The following ABCA4 variants were observed in gnomAD, a reference collection of about 807,000 sequenced individuals.
ABCA4 encodes ATP binding cassette subfamily A member 4.
ABCA4 carries 196 observed loss-of-function variants against 263.7 expected under a neutral mutation model. The ratio of observed to expected loss-of-function variants is 0.74; its 90% CI spans 0.66 to 0.84. ABCA4 has a LOEUF of 0.84. Among genes scored for constraint, ABCA4 ranks in the 40% least tolerant of loss-of-function variants. The pLI is 0.00. For missense variants in ABCA4, 2,792 were observed against 2,855.1 expected (o/e 0.98, Z 0.50); for synonymous variants, 1,133 against 1,094.2 (o/e 1.04, Z -0.70).
rs12087003 is a variant in ABCA4, at chr1:94,037,627, A to G, written c.3608-277T>C. 0.059 allele frequency among the ~76,000 whole-genome samples: 8,978 copies of G among 152,114 alleles called. 943 individuals carry two copies. The highest frequency in any genetic ancestry group is 0.21 in the African/African-American group (8,587 of 41,448). On this transcript the variant is annotated intron_variant, in intron 24 of 49. Transcript: ENST00000370225. ...GCGGAGGTTGGTGGGGGGGTCATGCAACTTTCCTGTGCCAGTTCCTCCTCT... is the reference window on the plus strand; with the variant it reads ...GCGGAGGTTGGTGGGGGGGTCATGCGACTTTCCTGTGCCAGTTCCTCCTCT...
chr1:94,021,518 C>T, intron 34 of ABCA4, 109 bp from the exon 35 acceptor site: 7 of 1,529,008 alleles, frequency 4.6e-6, no homozygotes, highest in Non-Finnish European at 5.4e-6. Context: ...AGCTGGAAGA[C>T]ATTCCTTGCT....
At chr1:94,056,297 C>G (rs1242291605) in intron 15 of ABCA4, among the ~76,000 whole-genome samples, 1 of 152,196 alleles carries the variant, frequency 6.6e-6, no homozygotes, top group African/African-American at 2.4e-5. Context: ...GAAAGGAAAA[C>G]TAGTGAAATG....
chr1:94,016,812 A>T (rs1557766601), intron 36 of ABCA4, among the ~76,000 whole-genome samples: 1 of 152,182 alleles, frequency 6.6e-6, no homozygotes, highest in African/African-American at 2.4e-5. Flanking sequence ...AGAGGCAATG[A>T]ACATATCTAG....
At chr1:94,023,623 C>T (rs887848392) in intron 31 of ABCA4, among the ~76,000 whole-genome samples, 1 of 152,216 alleles carries the variant, frequency 6.6e-6, no homozygotes, top group Non-Finnish European at 1.5e-5. Context: ...TGATTTCCCC[C>T]ACTGGCTCTC....
chr1:94,097,870 C>T (rs1662169330), intron 6 of ABCA4, among the ~76,000 whole-genome samples: 1 of 152,252 alleles, frequency 6.6e-6, no homozygotes, highest in South Asian at 2.1e-4. Flanking sequence ...CGGCCTCAGC[C>T]TCCTCAGTAG....
intron 45 of ABCA4, 90 bp downstream of exon 45, chr1:94,001,768 T>A: frequency 6.3e-7 from 1 of 1,595,892 alleles, no homozygotes; most frequent in Non-Finnish European, 8.6e-7. Flanking sequence ...TGCTGCAGTT[T>A]CTAAATCTGC....
chr1:94,028,158 G>A (rs1359568942), intron 30 of ABCA4, among the ~76,000 whole-genome samples: 2 of 152,140 alleles, frequency 1.3e-5, no homozygotes, highest in African/African-American at 2.4e-5. Flanking sequence ...TCCACCTGGG[G>A]CTCTCCGTGT....
At chr1:94,109,936 G>A (rs1278601228) in intron 3 of ABCA4, among the ~76,000 whole-genome samples, 1 of 152,142 alleles carries the variant, frequency 6.6e-6, no homozygotes, top group East Asian at 1.9e-4. Flanking sequence ...GCTAGAGTCT[G>A]GAGCCCCCTT....
intron 38 of ABCA4, among the ~76,000 whole-genome samples, chr1:94,012,404 G>T (rs1659571706): frequency 1.3e-5 from 2 of 152,160 alleles, no homozygotes; most frequent in African/African-American, 4.8e-5. Flanking sequence ...AGCCTTCCAA[G>T]ATTCCCATGA....
rs191299130 is a variant in ABCA4 at position 94,104,996 on chromosome 1, C to A, written c.443-1854G>T. Among the ~76,000 whole-genome samples, 44 of 152,210 alleles carry A rather than the reference C, an allele frequency of 2.9e-4. No homozygotes were observed. The East Asian group carries it at 7.7e-3, about 27-fold the overall frequency. On this transcript the variant is annotated intron_variant, in intron 4 of 49. Transcript: ENST00000370225. ...ACACACATGCACACACACATGCACACATGCGCACACATGCACACGCACGCA... is the reference window on the plus strand; with the variant it reads ...ACACACATGCACACACACATGCACAAATGCGCACACATGCACACGCACGCA...
chr1:94,072,734 G>T (rs1054009915), intron 11 of ABCA4, among the ~76,000 whole-genome samples: 4 of 152,184 alleles, frequency 2.6e-5, no homozygotes, highest in Non-Finnish European at 5.9e-5. Flanking sequence ...CCATGGGAAT[G>T]AATGTCTCCC....
At chr1:94,037,404 T>G in intron 24 of ABCA4, 54 bp from the exon 25 acceptor site, 3 of 1,543,016 alleles carry the variant, frequency 1.9e-6, no homozygotes, top group Non-Finnish European at 2.7e-6. Flanking sequence ...ACTGGAAGAC[T>G]GTGAGGTTAC....
In ABCA4 at chr1:94,055,237, A is replaced by C; in HGVS notation, c.2461T>G (p.Trp821Gly). 1 of 1,614,184 alleles carries C rather than the reference A, an allele frequency of 6.2e-7. No homozygotes were observed. Among genetic ancestry groups the C allele is most frequent in the Non-Finnish European group, 8.5e-7 (1 of 1,180,016 alleles). ...RFEEQGLGLQ[W>G]SNIGNSPTEG... Reference sequence around the variant, plus strand: ...GTGGGACTGTTCCCGATGTTGCTCCACTGCAGCCCCAGGCCTTGCTCTTCA... The same window carrying C: ...GTGGGACTGTTCCCGATGTTGCTCCCCTGCAGCCCCAGGCCTTGCTCTTCA... Residue 821 changes from tryptophan (W) to glycine (G), a missense_variant, in exon 16 of 50, where the codon TGG (tryptophan) becomes GGG (glycine). Transcript: ENST00000370225.
chr1:94,025,179 G>A lies in ABCA4; in HGVS notation c.4540-131C>T, dbSNP rs985302153. On this transcript the variant is annotated intron_variant, in intron 30 of 49. Transcript: ENST00000370225. ...CTGAGAAAATACTAAATAAAGTACT[G>A]GCATCTCCCTAGTTCTCACTTCAAT... 9.0e-6 allele frequency: 7 copies of A among 778,648 alleles called. No individual in the cohort carries two copies. In the African/African-American group the frequency reaches 1.2e-4, roughly 13 times the overall value. The allele number at this position is 778,648 out of a possible 1,614,324, so 48.2% of individuals were successfully genotyped here. A position where few individuals can be genotyped will look rare whatever the true frequency, so the allele number is the denominator to read the frequency against.
chr1:94,060,074 G>A (rs1356411602), intron 14 of ABCA4, among the ~76,000 whole-genome samples: 2 of 152,190 alleles, frequency 1.3e-5, no homozygotes, highest in Non-Finnish European at 2.9e-5. Context: ...ATGATGATAA[G>A]TAAATAATCC....
chr1:93,996,329 G>A, intron 48 of ABCA4, 134 bp from the exon 49 acceptor site: 1 of 754,202 alleles, frequency 1.3e-6, no homozygotes. Flanking sequence ...TCCTACCCGG[G>A]GGAGGCTGGC....
At chr1:94,024,817 G>T in intron 31 of ABCA4, 137 bp downstream of exon 31, 1 of 691,916 alleles carries the variant, frequency 1.4e-6, no homozygotes, top group Non-Finnish European at 2.5e-6. Context: ...GTTGAATGGG[G>T]CCCTCAAATC....
At chr1:94,089,134 G>A (rs1423184058) in intron 6 of ABCA4, among the ~76,000 whole-genome samples, 1 of 152,148 alleles carries the variant, frequency 6.6e-6, no homozygotes, top group African/African-American at 2.4e-5. Flanking sequence ...TATCTATTCA[G>A]ATCTCTGTCT....
rs1455968367 is a variant in ABCA4 at position 94,063,181 on chromosome 1, G to A, written c.1691C>T (p.Pro564Leu). The A allele has an allele frequency of 6.2e-7, 1 of 1,614,006 alleles. No individual in the cohort carries two copies. Among genetic ancestry groups the A allele is most frequent in the Non-Finnish European group, 8.5e-7 (1 of 1,180,016 alleles). The change falls in exon 12 of 50, where the codon CCA becomes CTA. Residue 564 changes from proline to leucine, a missense_variant. Pro to Leu is a moderately conservative substitution (Grantham distance 98). Transcript: ENST00000370225. ...TCGGATCTTATACTTCACGTGGGGTGGTAGAGAGCTGGTCCAGGGATACAT... is the reference window on the plus strand; with the variant it reads ...TCGGATCTTATACTTCACGTGGGGTAGTAGAGAGCTGGTCCAGGGATACAT... The part of the protein sequence containing the change: ...PDMYPWTSSL[P>L]PHVKYKIRMD...
Sources: gnomAD v4.1 joint callset for allele counts (sites outside exome capture counted in the v4.1 genomes callset) on GRCh38, gnomAD v4.1.1 for gene constraint, MANE v1.5 for transcripts, NCBI Gene and HGNC (gene_info 2026-07-23, HGNC 2026-07-21) for gene names.